The following FLYWCH1 variants were observed in gnomAD, a reference collection of about 807,000 sequenced individuals.
FLYWCH1 encodes FLYWCH-type zinc finger-containing protein 1.
FLYWCH1 carries 75 observed loss-of-function variants against 66.4 expected under a neutral mutation model. The ratio of observed to expected loss-of-function variants is 1.13; its 90% CI spans 0.94 to 1.37. The LOEUF is 1.37. Among genes scored for constraint, FLYWCH1 ranks in the 40% most tolerant of loss-of-function variants. The probability of loss-of-function intolerance (pLI) is 0.00; values close to 1 mark genes in which losing one functional copy is unlikely to be tolerated. For missense variants in FLYWCH1, 1,334 were observed against 1,001.8 expected (o/e 1.33, Z -4.48); for synonymous variants, 595 against 429.9 (o/e 1.38, Z -4.75).
At chr16:2,915,703 A>G (rs1263929821) in intron 2 of FLYWCH1, among the ~76,000 whole-genome samples, 1 of 151,530 alleles carries the variant, frequency 6.6e-6, no homozygotes, top group East Asian at 2.0e-4. Context: ...AGGCAGAGGC[A>G]CCAGAATGGC....
At position 2,937,175 on chromosome 16, in the gene FLYWCH1, C is replaced by T. The variant is rs1421970723; in HGVS notation, c.1568C>T (p.Ser523Phe). The T allele has an allele frequency of 5.9e-6, 8 of 1,365,320 alleles. No homozygotes were observed. The highest frequency in any genetic ancestry group is 1.4e-5 in the South Asian group (1 of 73,484). 84.6% of individuals were successfully genotyped at this position (1,365,320 alleles called of 1,614,324 possible). A position where few individuals can be genotyped will look rare whatever the true frequency, so the allele number is the denominator to read the frequency against. Residue 523 changes from serine (S) to phenylalanine (F), a missense_variant, in exon 7 of 10, where the codon TCC (serine) becomes TTC (phenylalanine). Ser to Phe is a radical substitution (Grantham distance 155). Coordinates refer to ENST00000253928, the MANE Select transcript of FLYWCH1 (RefSeq NM_001308068.2). ...PLGGSFLVYESFLYRREKAAG... is the reference protein window; with the variant it reads ...PLGGSFLVYEFFLYRREKAAG... ...GGGGGCAGCTTCCTGGTGTACGAGT[C>T]CTTCCTCTACCGGCGGGAGAAGGCG...
chr16:2,936,469 C>T (rs1428245854), intron 6 of FLYWCH1: 13 of 445,784 alleles, frequency 2.9e-5, no homozygotes, highest in Non-Finnish European at 5.4e-5. Context: ...GCTGGCCTCT[C>T]CTCTAGGGCT....
chr16:2,932,775 G>T (rs1422945923), intron 4 of FLYWCH1, among the ~76,000 whole-genome samples: 1 of 152,144 alleles, frequency 6.6e-6, no homozygotes, highest in Non-Finnish European at 1.5e-5. Flanking sequence ...TCTGAGTCCA[G>T]GTTGGCCCCT....
At chr16:2,930,291 G>T (rs2070714279) in intron 3 of FLYWCH1, 119 bp from the exon 4 acceptor site, 2 of 670,952 alleles carry the variant, frequency 3.0e-6, no homozygotes, top group Admixed American at 6.3e-5. Context: ...CTTCTTGCTT[G>T]GGAGCAGGAG....
At chr16:2,938,543 C>A in intron 8 of FLYWCH1, 87 bp downstream of exon 8, 3 of 1,262,214 alleles carry the variant, frequency 2.4e-6, no homozygotes, top group Non-Finnish European at 3.2e-6. Context: ...CAGGCACCCA[C>A]TGAGCAGACT....
At chr16:2,922,738 C>G (rs2070418631) in intron 2 of FLYWCH1, 1 of 506,098 alleles carries the variant, frequency 2.0e-6, no homozygotes, top group Non-Finnish European at 3.9e-6. Flanking sequence ...TTCTCTCCAT[C>G]AGGCCCAATC....
At chr16:2,938,562 GCACA>G (rs1428570643) in intron 8 of FLYWCH1, 106 bp downstream of exon 8, 2 of 1,039,048 alleles carry the variant, frequency 1.9e-6, no homozygotes, top group Middle Eastern at 3.0e-4. Flanking sequence ...CTGCTTTTGT[GCACA>G]CACAAATTAT....
Position 2,939,683 on chromosome 16 carries a change from G to A in FLYWCH1, c.2051-349G>A, listed in dbSNP as rs114210246. On this transcript the variant is annotated intron_variant, in intron 8 of 9. Coordinates refer to ENST00000253928, the MANE Select transcript of FLYWCH1 (RefSeq NM_001308068.2). Reference sequence around the variant, plus strand: ...GCACTGCAGTCCAGCCTGGGTGACAGAACAAGACCCTGTCTTTACAAGAAA... The same window carrying A: ...GCACTGCAGTCCAGCCTGGGTGACAAAACAAGACCCTGTCTTTACAAGAAA... 1,157 of 269,006 alleles carry A rather than the reference G, an allele frequency of 4.3e-3. 12 individuals carry two copies. The highest frequency in any genetic ancestry group is 0.024 in the African/African-American group (1,059 of 44,380). The allele number at this position is 269,006 out of a possible 1,614,324, so 16.7% of individuals were successfully genotyped here.
At chr16:2,921,987 C>T (rs904411618) in intron 2 of FLYWCH1, among the ~76,000 whole-genome samples, 14 of 152,120 alleles carry the variant, frequency 9.2e-5, no homozygotes, top group East Asian at 7.7e-4. Flanking sequence ...CACTTGAACC[C>T]GGGAGGCAGA....
chr16:2,930,477 C>G lies in FLYWCH1; in HGVS notation c.393C>G (p.Phe131Leu), dbSNP rs1376742766. 3.9e-6 allele frequency: 6 copies of G among 1,521,176 alleles called. No homozygotes were observed. The Admixed American group carries it at 1.3e-4, about 32-fold the overall frequency. The allele number at this position is 1,521,176 out of a possible 1,614,324, so 94.2% of individuals were successfully genotyped here. ...GCCGCCTCCTGGTGCTGGAGTCCTT[C>G]CTGTACAAGCAGGAGAAGGCAGTGG... Reference protein sequence around the residue: ...FGGRLLVLESFLYKQEKAVGD... With the variant: ...FGGRLLVLESLLYKQEKAVGD... The change falls in exon 4 of 10, where the codon TTC (phenylalanine) becomes TTG (leucine). Residue 131 changes from phenylalanine (F) to leucine (L), a missense_variant. Coordinates refer to ENST00000253928, the MANE Select transcript of FLYWCH1 (RefSeq NM_001308068.2).
Position 2,950,858 on chromosome 16 carries a change from A to G in FLYWCH1, c.*2131A>G, listed in dbSNP as rs1270552920. 6.6e-6 allele frequency: 1 copy of G among 152,250 alleles called. No individual in the cohort carries two copies. The highest frequency in any genetic ancestry group is 1.5e-5 in the Non-Finnish European group (1 of 68,050). 9.4% of individuals were successfully genotyped at this position (152,250 alleles called of 1,614,324 possible). ...TGATGCTGTTGCCTTGGGTGGCTTC[A>G]TGGCCACCAACCCGCACCCTGGTGG... On this transcript the variant is annotated 3_prime_UTR_variant, in exon 10 of 10. Transcript: ENST00000253928.
At chr16:2,931,075 C>T (rs762070882) in intron 4 of FLYWCH1, among the ~76,000 whole-genome samples, 195 bp downstream of exon 4, 7 of 152,048 alleles carry the variant, frequency 4.6e-5, no homozygotes, top group Admixed American at 6.5e-5. Context: ...GAGGCCAAGG[C>T]GGACGGATCA....
intron 8 of FLYWCH1, among the ~76,000 whole-genome samples, chr16:2,939,124 T>G (rs1431411297): frequency 6.6e-6 from 1 of 152,086 alleles, no homozygotes; most frequent in Non-Finnish European, 1.5e-5. Context: ...CATGTGAATA[T>G]TAAGGGCCAT....
intron 4 of FLYWCH1, 68 bp from the exon 5 acceptor site, chr16:2,933,062 T>G: frequency 7.2e-7 from 1 of 1,398,548 alleles, no homozygotes; most frequent in Non-Finnish European, 9.9e-7. Context: ...CCCCACAGTC[T>G]GCAGGGGCTG....
Position 2,933,780 on chromosome 16 carries a change from C to G in FLYWCH1, c.1314C>G (p.Tyr438Ter). 6.2e-7 allele frequency: 1 copy of G among 1,611,838 alleles called. No individual in the cohort carries two copies. The highest frequency in any genetic ancestry group is 8.5e-7 in the Non-Finnish European group (1 of 1,179,130). The change falls in exon 6 of 10, where the codon TAC becomes TAG. Residue 438 changes from tyrosine to a stop codon, truncating the protein, a stop_gained. Coordinates refer to ENST00000253928, the MANE Select transcript of FLYWCH1 (RefSeq NM_001308068.2). LOFTEE classifies it high-confidence loss of function. ...GSFLVYESFL[Y>*]RREKAAGEKV... The stretch of plus-strand genomic sequence containing the variant: ...TCCTGGTGTACGAGTCCTTCCTCTA[C>G]CGGCGGGAGAAGGCGGCTGGGGAGA...
chr16:2,936,716 C>A (rs1340833771), intron 6 of FLYWCH1: 5 of 472,750 alleles, frequency 1.1e-5, no homozygotes, highest in African/African-American at 9.8e-5. Context: ...TCGGGGGCCA[C>A]CCCTCTCAGC....
chr16:2,951,035 G>A lies in FLYWCH1; in HGVS notation c.*2308G>A, dbSNP rs2071649015. 1 of 152,298 alleles carries A rather than the reference G, an allele frequency of 6.6e-6. No individual in the cohort carries two copies. The highest frequency in any genetic ancestry group is 1.5e-5 in the Non-Finnish European group (1 of 68,086). The allele number at this position is 152,298 out of a possible 1,614,324, so 9.4% of individuals were successfully genotyped here. A position where few individuals can be genotyped will look rare whatever the true frequency, so the allele number is the denominator to read the frequency against. On this transcript the variant is annotated 3_prime_UTR_variant, in exon 10 of 10. Coordinates refer to ENST00000253928, the MANE Select transcript of FLYWCH1 (RefSeq NM_001308068.2). ...CGCTGGCCGCGGAGCGTGCAGCCCGGCAGCAGCTCAGCGGGGCAGCTCCTG... is the reference window on the plus strand; with the variant it reads ...CGCTGGCCGCGGAGCGTGCAGCCCGACAGCAGCTCAGCGGGGCAGCTCCTG...
chr16:2,933,506 A>C lies in FLYWCH1; in HGVS notation c.1173A>C (p.Arg391=), dbSNP rs763463671. The C allele has an allele frequency of 3.1e-6, 5 of 1,611,924 alleles. No individual in the cohort carries two copies. In the Admixed American group the frequency reaches 6.7e-5, roughly 22 times the overall value. The change falls in exon 5 of 10, where the codon CGA becomes CGC. Residue 391 remains arginine, a synonymous_variant. Transcript: ENST00000253928. The stretch of plus-strand genomic sequence containing the variant: ...TCACCAGGCCTCGGCCCAGAAAGCG[A>C]GCAAAGGTCGAAGACCAGGAGCTGC... ...LTLTRPRPRK[R]AKVEDQELPT... is the part of the protein sequence containing the mutation.
chr16:2,936,686 C>T lies in FLYWCH1; in HGVS notation c.1514-435C>T, dbSNP rs565149333. The T allele has an allele frequency of 1.0e-4, 48 of 463,514 alleles. 3 individuals are homozygous for T. The highest frequency in any genetic ancestry group is 4.0e-4 in the Admixed American group (17 of 42,718). The allele number at this position is 463,514 out of a possible 1,614,324, so 28.7% of individuals were successfully genotyped here. A position where few individuals can be genotyped will look rare whatever the true frequency, so the allele number is the denominator to read the frequency against. The stretch of plus-strand genomic sequence containing the variant: ...CCTCTTCCTCAGAGTCCTGGGGTCA[C>T]ACCTCTACCTGCGCGGCTCTCGGGG... On this transcript the variant is annotated intron_variant, in intron 6 of 9. Coordinates refer to ENST00000253928, the MANE Select transcript of FLYWCH1 (RefSeq NM_001308068.2).
Sources: gnomAD v4.1 joint callset for allele counts (sites outside exome capture counted in the v4.1 genomes callset) on GRCh38, gnomAD v4.1.1 for gene constraint, MANE v1.5 for transcripts, NCBI Gene and HGNC (gene_info 2026-07-23, HGNC 2026-07-21) for gene names.